LY86: variants seen among roughly 807,000 people sequenced by gnomAD.
LY86 encodes lymphocyte antigen 86.
LY86 carries 20 observed loss-of-function variants against 17.3 expected under a neutral mutation model. That is an observed-to-expected ratio of 1.15 (90% CI 0.81 to 1.68). LY86 has a LOEUF of 1.68. Among genes scored for constraint, LY86 ranks in the 40% most tolerant of loss-of-function variants. LY86 has a pLI of 0.00. For missense variants in LY86, 200 were observed against 191.9 expected (o/e 1.04, Z -0.25); for synonymous variants, 74 against 70.6 (o/e 1.05, Z -0.24).
intron 4 of LY86, among the ~76,000 whole-genome samples, chr6:6,650,288 C>T (rs944314489): frequency 2.0e-5 from 3 of 151,986 alleles, no homozygotes; most frequent in Non-Finnish European, 2.9e-5. Context: ...ACTCAATTTA[C>T]ATCACTCTGC....
At chr6:6,637,254 G>A (rs777160949) in intron 3 of LY86, among the ~76,000 whole-genome samples, 57 of 152,168 alleles carry the variant, frequency 3.7e-4, no homozygotes, top group Non-Finnish European at 6.8e-4. Context: ...CTCGTGATCA[G>A]CCCACCTCGG....
chr6:6,624,813 T>C (rs1761755091), intron 1 of LY86, 113 bp from the exon 2 acceptor site: 3 of 615,092 alleles, frequency 4.9e-6, no homozygotes, highest in Non-Finnish European at 2.9e-6. Flanking sequence ...TTGGGCAATA[T>C]GCTTTTGAAT....
intron 1 of LY86, among the ~76,000 whole-genome samples, chr6:6,612,659 A>G (rs1173133863): frequency 6.6e-6 from 1 of 152,212 alleles, no homozygotes; most frequent in Non-Finnish European, 1.5e-5. Context: ...GGTCTGTCTT[A>G]CAGAGAGCTG....
At chr6:6,615,234 G>C (rs899515221) in intron 1 of LY86, among the ~76,000 whole-genome samples, 3 of 152,178 alleles carry the variant, frequency 2.0e-5, no homozygotes, top group Non-Finnish European at 4.4e-5. Flanking sequence ...AAATCAGACT[G>C]TCTGGGGTGG....
At position 6,624,955 on chromosome 6, in the gene LY86, GA is replaced by G; in HGVS notation, c.170del (p.Lys57SerfsTer6). ...DPLQDFGFSV[E>X]KCSKQLKSNI... ...ATTACAAGATTTTGGCTTTTCTGTTGAAAAGTGTTCCAAGCAATTAAAATCA... is the reference window on the plus strand; with the variant it reads ...ATTACAAGATTTTGGCTTTTCTGTTGAAAGTGTTCCAAGCAATTAAAATCA... On this transcript the variant is annotated frameshift_variant, in exon 2 of 5. Transcript: ENST00000230568. LOFTEE classifies it high-confidence loss of function. The G allele has an allele frequency of 6.4e-7, 1 of 1,566,496 alleles. No individual in the cohort carries two copies. Among genetic ancestry groups the G allele is most frequent in the Non-Finnish European group, 8.7e-7 (1 of 1,144,104 alleles).
At chr6:6,599,712 T>C (rs915945100) in intron 1 of LY86, among the ~76,000 whole-genome samples, 2 of 152,094 alleles carry the variant, frequency 1.3e-5, no homozygotes, top group Non-Finnish European at 2.9e-5. Flanking sequence ...GACTGGAAAA[T>C]GTTCAGGCAA....
chr6:6,643,761 CAT>C (rs527816159), intron 3 of LY86, among the ~76,000 whole-genome samples: 31 of 152,230 alleles, frequency 2.0e-4, no homozygotes, highest in Non-Finnish European at 4.0e-4. Flanking sequence ...TGCAGGCACA[CAT>C]GTGCACACAA....
chr6:6,613,938 G>A (rs1323641875), intron 1 of LY86, among the ~76,000 whole-genome samples: 1 of 152,264 alleles, frequency 6.6e-6, no homozygotes, highest in South Asian at 2.1e-4. Context: ...CAGAAATCGT[G>A]AAGGGACGTT....
intron 3 of LY86, among the ~76,000 whole-genome samples, chr6:6,638,369 A>T (rs1287721641): frequency 1.3e-5 from 2 of 152,258 alleles, no homozygotes; most frequent in Admixed American, 1.3e-4. Context: ...GTTACTAGAA[A>T]GTTTTATGTC....
At chr6:6,595,821 T>A (rs1760695277) in intron 1 of LY86, among the ~76,000 whole-genome samples, 1 of 152,096 alleles carries the variant, frequency 6.6e-6, no homozygotes, top group African/African-American at 2.4e-5. Flanking sequence ...CTATTTCCCA[T>A]CCCCAACCAT....
chr6:6,626,693 A>G (rs539745263), intron 3 of LY86, among the ~76,000 whole-genome samples: 2 of 152,356 alleles, frequency 1.3e-5, no homozygotes, highest in Admixed American at 1.3e-4. Context: ...GCAGCATCTT[A>G]TAAAAAAGGG....
chr6:6,619,522 G>T (rs1561786440), intron 1 of LY86, among the ~76,000 whole-genome samples: 1 of 152,226 alleles, frequency 6.6e-6, no homozygotes, highest in East Asian at 1.9e-4. Flanking sequence ...TAAACTGTTT[G>T]CTAGAGGCAG....
At chr6:6,617,537 T>A (rs1376260830) in intron 1 of LY86, among the ~76,000 whole-genome samples, 1 of 152,242 alleles carries the variant, frequency 6.6e-6, no homozygotes, top group Admixed American at 6.5e-5. Flanking sequence ...CAGTAGTGTG[T>A]TATCATAATC....
intron 1 of LY86, among the ~76,000 whole-genome samples, chr6:6,605,017 G>A (rs1164710486): frequency 1.4e-5 from 2 of 145,198 alleles, no homozygotes; most frequent in East Asian, 2.5e-4. Flanking sequence ...TCAATAGTAA[G>A]TAAAAGACTT....
At chr6:6,602,350 C>T (rs1760934994) in intron 1 of LY86, among the ~76,000 whole-genome samples, 1 of 152,188 alleles carries the variant, frequency 6.6e-6, no homozygotes, top group African/African-American at 2.4e-5. Context: ...AAATTATTCT[C>T]GATACCCACA....
chr6:6,597,015 G>A (rs549040263), intron 1 of LY86, among the ~76,000 whole-genome samples: 107 of 152,186 alleles, frequency 7.0e-4, no homozygotes, highest in African/African-American at 1.9e-3. Flanking sequence ...GGGCAGCTCC[G>A]CTCATGTTTT....
intron 4 of LY86, among the ~76,000 whole-genome samples, chr6:6,651,664 C>A (rs1762188613): frequency 6.6e-6 from 1 of 152,180 alleles, no homozygotes; most frequent in South Asian, 2.1e-4. Context: ...AATTGACTTT[C>A]ACTTTTGCAT....
intron 4 of LY86, among the ~76,000 whole-genome samples, chr6:6,653,241 C>T (rs1403831874): frequency 6.6e-6 from 1 of 152,066 alleles, no homozygotes. Context: ...GAAAGTTGCT[C>T]CCTTCTAACA....
At chr6:6,601,489 G>A (rs376416892) in intron 1 of LY86, among the ~76,000 whole-genome samples, 12 of 152,174 alleles carry the variant, frequency 7.9e-5, no homozygotes, top group Admixed American at 3.9e-4. Flanking sequence ...TTGGGAGGCC[G>A]AGGCAGGCAG....
Sources: allele counts gnomAD v4.1 joint callset (sites outside exome capture counted in the v4.1 genomes callset), GRCh38; gene constraint gnomAD v4.1.1; transcripts MANE v1.5; gene names NCBI Gene and HGNC (gene_info 2026-07-23, HGNC 2026-07-21).